CEP128: variants seen among roughly 807,000 people sequenced by gnomAD.
The protein encoded by CEP128 is centrosomal protein 128kDa.
CEP128 carries 132 observed loss-of-function variants against 156.7 expected under a neutral mutation model. The observed-to-expected ratio is 0.84, with a 90% CI of 0.73 to 0.97. The LOEUF is 0.97. Among genes scored for constraint, CEP128 ranks in the 50% least tolerant of loss-of-function variants. The probability of loss-of-function intolerance (pLI) is 0.00; values close to 1 mark genes in which losing one functional copy is unlikely to be tolerated. For synonymous variants in CEP128, 469 were observed against 448.9 expected, an observed-to-expected ratio of 1.04 and a Z score of -0.57; for missense variants, 1,252 against 1,281.9, an observed-to-expected ratio of 0.98 and a Z score of 0.36.
intron 19 of CEP128, among the ~76,000 whole-genome samples, chr14:80,714,350 C>T (rs1402784052): frequency 6.6e-6 from 1 of 151,910 alleles, no homozygotes; most frequent in African/African-American, 2.4e-5. Context: ...GGCTACTTTT[C>T]TCATTTAGGG....
intron 19 of CEP128, among the ~76,000 whole-genome samples, chr14:80,622,937 G>C (rs1357308397): frequency 6.6e-6 from 1 of 151,890 alleles, no homozygotes; most frequent in African/African-American, 2.4e-5. Flanking sequence ...AATACCATTT[G>C]ACCCAGCCAT....
At chr14:80,799,633 G>A (rs1203512299) in intron 13 of CEP128, among the ~76,000 whole-genome samples, 1 of 152,064 alleles carries the variant, frequency 6.6e-6, no homozygotes, top group African/African-American at 2.4e-5. Flanking sequence ...ATACCCTGGG[G>A]AAGGAATGCA....
At chr14:80,774,342 G>A (rs1022814053) in intron 16 of CEP128, among the ~76,000 whole-genome samples, 1 of 152,152 alleles carries the variant, frequency 6.6e-6, no homozygotes, top group Non-Finnish European at 1.5e-5. Context: ...CATTGATGTT[G>A]AGGATGGGCA....
intron 20 of CEP128, among the ~76,000 whole-genome samples, chr14:80,576,896 T>C: frequency 6.6e-6 from 1 of 152,062 alleles, no homozygotes; most frequent in East Asian, 1.9e-4. Context: ...CTGTGCTAAG[T>C]AGTGGACATC....
intron 8 of CEP128, among the ~76,000 whole-genome samples, chr14:80,874,973 G>T (rs1187201655): frequency 6.6e-6 from 1 of 152,162 alleles, no homozygotes; most frequent in Non-Finnish European, 1.5e-5. Flanking sequence ...GGAAATATAA[G>T]AATAACATGC....
rs564942062 is a variant in CEP128, at chr14:80,902,588, C to A, written c.480+2225G>T. 4.6e-5 allele frequency among the ~76,000 whole-genome samples: 7 copies of A among 152,226 alleles called. No homozygotes were observed. In the East Asian group the frequency reaches 1.2e-3, roughly 25 times the overall value. ...AGCCCTTTTCTATTTAATTTAGCTA[C>A]TTAAGACAACAAAAGGAAAAATTAC... is the stretch of plus-strand genomic sequence containing the variant. On this transcript the variant is annotated intron_variant, in intron 6 of 24. Coordinates refer to ENST00000555265, the MANE Select transcript of CEP128 (RefSeq NM_152446.5).
At chr14:80,504,489 A>G (rs76226857) in intron 24 of CEP128, among the ~76,000 whole-genome samples, 4,651 of 152,354 alleles carry the variant, frequency 0.031, 107 homozygotes, top group Middle Eastern at 0.092. Context: ...CAAGATTCAC[A>G]GAGTGAAATC....
rs77219798 is a variant in CEP128 at position 80,558,863 on chromosome 14, T to C, written c.2880+416A>G. Among the ~76,000 whole-genome samples, 734 of 152,366 alleles carry C rather than the reference T, an allele frequency of 4.8e-3. 13 individuals are homozygous for C. The highest frequency in any genetic ancestry group is 0.017 in the African/African-American group (691 of 41,584). On this transcript the variant is annotated intron_variant, in intron 21 of 24. Transcript: ENST00000555265. ...GCTTGCATTATTCTTTTTGTGACACTGGTGAAAATAATGTTTATAAAAACA... is the reference window on the plus strand; with the variant it reads ...GCTTGCATTATTCTTTTTGTGACACCGGTGAAAATAATGTTTATAAAAACA...
At chr14:80,873,135 G>C (rs1184486493) in intron 8 of CEP128, among the ~76,000 whole-genome samples, 1 of 152,194 alleles carries the variant, frequency 6.6e-6, no homozygotes, top group Non-Finnish European at 1.5e-5. Context: ...CAATATAAAA[G>C]GCTGTGTCCT....
intron 16 of CEP128, among the ~76,000 whole-genome samples, chr14:80,776,160 A>G (rs904833188): frequency 2.0e-5 from 3 of 152,152 alleles, no homozygotes; most frequent in African/African-American, 4.8e-5. Flanking sequence ...CAAATTTTTC[A>G]CCACTATTTC....
chr14:80,669,165 T>C (rs988082324), intron 19 of CEP128, among the ~76,000 whole-genome samples: 2 of 152,044 alleles, frequency 1.3e-5, no homozygotes, highest in Non-Finnish European at 2.9e-5. Context: ...ATACAAAAAT[T>C]AACTCAAGAT....
intron 19 of CEP128, among the ~76,000 whole-genome samples, chr14:80,597,290 T>C (rs1892372145): frequency 6.6e-6 from 1 of 152,150 alleles, no homozygotes; most frequent in Non-Finnish European, 1.5e-5. Context: ...AGAAGGATTT[T>C]AAGGGAAGAC....
chr14:80,756,572 C>T (rs1440021292), intron 18 of CEP128, among the ~76,000 whole-genome samples: 1 of 152,154 alleles, frequency 6.6e-6, no homozygotes, highest in Non-Finnish European at 1.5e-5. Context: ...CTCCCTTTCT[C>T]CCAGCACAAA....
rs1005692536 is a variant in CEP128 at position 80,625,447 on chromosome 14, A to C, written c.2807-45024T>G. On this transcript the variant is annotated intron_variant, in intron 19 of 24. Coordinates refer to ENST00000555265, the MANE Select transcript of CEP128 (RefSeq NM_152446.5). ...GCTATTTGAGGTTTTTGGGTTGTTCATGCCTCTATATGAATTTCAGGATTT... is the reference window on the plus strand; with the variant it reads ...GCTATTTGAGGTTTTTGGGTTGTTCCTGCCTCTATATGAATTTCAGGATTT... Among the ~76,000 whole-genome samples the C allele has an allele frequency of 5.0e-4, 76 of 152,182 alleles. 1 individual carries two copies. The highest frequency in any genetic ancestry group is 1.8e-3 in the African/African-American group (74 of 41,532).
intron 19 of CEP128, among the ~76,000 whole-genome samples, chr14:80,647,991 T>C (rs553306550): frequency 1.3e-5 from 2 of 152,232 alleles, no homozygotes; most frequent in African/African-American, 4.8e-5. Flanking sequence ...TCCAAGGTTC[T>C]TCTAGGCTTT....
intron 9 of CEP128, among the ~76,000 whole-genome samples, chr14:80,852,124 A>C (rs1886923466): frequency 6.6e-6 from 1 of 152,034 alleles, no homozygotes; most frequent in Non-Finnish European, 1.5e-5. Flanking sequence ...CAAGCACATA[A>C]AATTCTGCAT....
intron 2 of CEP128, among the ~76,000 whole-genome samples, chr14:80,950,897 C>A (rs1437432832): frequency 1.7e-5 from 2 of 120,962 alleles, no homozygotes; most frequent in Admixed American, 8.6e-5. Context: ...TGAAAAGCAT[C>A]CCGAGTAAGA....
intron 20 of CEP128, among the ~76,000 whole-genome samples, chr14:80,561,694 TA>T (rs1379603463): frequency 6.6e-6 from 1 of 152,172 alleles, no homozygotes; most frequent in Non-Finnish European, 1.5e-5. Context: ...CGATTTCATA[TA>T]ATGTCAAAAC....
In CEP128 at chr14:80,623,348, T is replaced by C. The variant is rs573100002; in HGVS notation, c.2807-42925A>G. Among the ~76,000 whole-genome samples the C allele has an allele frequency of 6.3e-3, 951 of 151,480 alleles. 15 individuals are homozygous for C. The highest frequency in any genetic ancestry group is 0.022 in the African/African-American group (911 of 41,238). On this transcript the variant is annotated intron_variant, in intron 19 of 24. Coordinates refer to ENST00000555265, the MANE Select transcript of CEP128 (RefSeq NM_152446.5). The stretch of plus-strand genomic sequence containing the variant: ...GGGGGAGGGATAGCATTGGGAGATA[T>C]ACCTAATGTTAAATGACGAGTTAAT...
Sources: gnomAD v4.1 joint callset for allele counts (sites outside exome capture counted in the v4.1 genomes callset) on GRCh38, gnomAD v4.1.1 for gene constraint, MANE v1.5 for transcripts, NCBI Gene and HGNC (gene_info 2026-07-23, HGNC 2026-07-21) for gene names.